MYLK: variants seen among roughly 807,000 people sequenced by gnomAD.
The protein encoded by MYLK is myosin light chain kinase.
MYLK carries 106 observed loss-of-function variants against 203.4 expected under a neutral mutation model. That is an observed-to-expected ratio of 0.52 (90% CI 0.45 to 0.61). The LOEUF is 0.61. Ranked by LOEUF, MYLK falls within the 20% of genes least tolerant of loss-of-function variation. The pLI is 0.00. For missense variants in MYLK, 2,072 were observed against 2,442.3 expected, an observed-to-expected ratio of 0.85 and a Z score of 3.20; for synonymous variants, 867 against 959.5, an observed-to-expected ratio of 0.90 and a Z score of 1.78.
At chr3:123,786,175 C>T (rs534995787) in intron 4 of MYLK, among the ~76,000 whole-genome samples, 9 of 151,750 alleles carry the variant, frequency 5.9e-5, no homozygotes, top group Admixed American at 1.3e-4. Context: ...TGGTGGCACG[C>T]GCCTGTAGTC....
chr3:123,694,461 C>T (rs933570671), intron 18 of MYLK, among the ~76,000 whole-genome samples: 1 of 151,932 alleles, frequency 6.6e-6, no homozygotes, highest in African/African-American at 2.4e-5. Flanking sequence ...TCTGGGTGGG[C>T]GGGAGGATGC....
intron 4 of MYLK, among the ~76,000 whole-genome samples, chr3:123,787,472 C>T (rs542920206): frequency 8.7e-4 from 132 of 152,266 alleles, no homozygotes; most frequent in South Asian, 1.2e-3. Flanking sequence ...CACTTCACCA[C>T]CGTGGTTCTC....
At chr3:123,770,920 G>A (rs187176178) in intron 4 of MYLK, among the ~76,000 whole-genome samples, 4 of 152,266 alleles carry the variant, frequency 2.6e-5, no homozygotes, top group East Asian at 1.9e-4. Flanking sequence ...GTAGATCCCC[G>A]TCCCCAGAAT....
At chr3:123,820,649 T>C (rs891020073) in intron 3 of MYLK, among the ~76,000 whole-genome samples, 4 of 148,144 alleles carry the variant, frequency 2.7e-5, no homozygotes, top group Non-Finnish European at 6.0e-5. Context: ...CTTCCCTCCT[T>C]CCTTCCTTCC....
intron 23 of MYLK, among the ~76,000 whole-genome samples, chr3:123,661,630 A>C (rs2059564966): frequency 6.6e-6 from 1 of 152,242 alleles, no homozygotes; most frequent in Admixed American, 6.5e-5. Context: ...AGAGGAAGGA[A>C]GACAAAGGGA....
intron 2 of MYLK, among the ~76,000 whole-genome samples, chr3:123,874,714 G>A (rs4118370): frequency 0.092 from 13,927 of 152,102 alleles, 1,597 homozygotes; most frequent in East Asian, 0.46. Context: ...TACAGGCAGC[G>A]AGAAAATATT....
At chr3:123,725,395 C>A (rs1456781580) in intron 12 of MYLK, among the ~76,000 whole-genome samples, 1 of 151,998 alleles carries the variant, frequency 6.6e-6, no homozygotes, top group African/African-American at 2.4e-5. Flanking sequence ...TTTTAAAGGA[C>A]CTTACTTGAC....
chr3:123,761,190 A>C (rs1005759849), intron 4 of MYLK, among the ~76,000 whole-genome samples: 2 of 152,176 alleles, frequency 1.3e-5, no homozygotes, highest in African/African-American at 4.8e-5. Context: ...GCTGCCCAAG[A>C]CTCAGACACT....
At chr3:123,683,671 G>A (rs898721771) in intron 19 of MYLK, among the ~76,000 whole-genome samples, 10 of 152,272 alleles carry the variant, frequency 6.6e-5, no homozygotes, top group African/African-American at 1.9e-4. Flanking sequence ...GGCCCTGTGC[G>A]GGTGTTGCAG....
intron 2 of MYLK, among the ~76,000 whole-genome samples, chr3:123,871,362 T>A (rs2032770739): frequency 6.6e-6 from 1 of 152,044 alleles, no homozygotes; most frequent in African/African-American, 2.4e-5. Context: ...CAAAAAACAT[T>A]GAGAAAACTC....
chr3:123,836,885 A>T (rs964452651), intron 2 of MYLK, among the ~76,000 whole-genome samples: 4 of 152,226 alleles, frequency 2.6e-5, no homozygotes, highest in African/African-American at 9.6e-5. Context: ...AAGACTAATA[A>T]CTATAAATTA....
chr3:123,858,147 T>C (rs530062920), intron 2 of MYLK, among the ~76,000 whole-genome samples: 1 of 152,208 alleles, frequency 6.6e-6, no homozygotes, highest in Admixed American at 6.5e-5. Flanking sequence ...GTCATGCTTA[T>C]GTTTATCACT....
At chr3:123,809,101 C>T (rs1482722198) in intron 3 of MYLK, among the ~76,000 whole-genome samples, 1 of 152,170 alleles carries the variant, frequency 6.6e-6, no homozygotes, top group Non-Finnish European at 1.5e-5. Flanking sequence ...CCTGGCTCAC[C>T]TTCTCAGTCT....
At position 123,765,549 on chromosome 3, in the gene MYLK, GA is replaced by G. The variant is rs925298238; in HGVS notation, c.166-13012del. Among the ~76,000 whole-genome samples, 6 of 150,022 alleles carry G rather than the reference GA, an allele frequency of 4.0e-5. No homozygotes were observed. In the South Asian group the frequency reaches 1.1e-3, roughly 26 times the overall value. ...CCACCTCAAAAAAAAAAAAAGAAAG[GA>G]AAAAAAACAAAAGAAAAAAGGAATT... On this transcript the variant is annotated intron_variant, in intron 4 of 33. Coordinates refer to ENST00000360304, the MANE Select transcript of MYLK (RefSeq NM_053025.4).
intron 3 of MYLK, among the ~76,000 whole-genome samples, chr3:123,811,353 T>C (rs1416991927): frequency 6.6e-6 from 1 of 152,134 alleles, no homozygotes; most frequent in Non-Finnish European, 1.5e-5. Flanking sequence ...GCTGCACTCA[T>C]ACCTGGCTCA....
intron 31 of MYLK, chr3:123,621,540 AG>A (rs1240366981): frequency 6.6e-6 from 1 of 152,228 alleles, no homozygotes; most frequent in African/African-American, 2.4e-5. Flanking sequence ...CTAGTTGGAA[AG>A]CCAGTAAGCT....
chr3:123,653,689 C>T (rs1169322281), intron 24 of MYLK, among the ~76,000 whole-genome samples: 3 of 152,150 alleles, frequency 2.0e-5, no homozygotes, highest in Non-Finnish European at 4.4e-5. Flanking sequence ...CTGGCAGAGT[C>T]TCCACACAGC....
rs753350784 is a variant in MYLK, at chr3:123,737,484, C to A, written c.648G>T (p.Gln216His). 1 of 1,614,206 alleles carries A rather than the reference C, an allele frequency of 6.2e-7. No individual in the cohort carries two copies. Among genetic ancestry groups the A allele is most frequent in the East Asian group, 2.2e-5 (1 of 44,888 alleles). ...RVSVSEKNGM[Q>H]VLEIHGVNQD... ...GGTTGACTCCATGGATTTCCAGAAC[C>A]TGCATGCCGTTCTTCTCAGACACAG... The change falls in exon 8 of 34, where the codon CAG becomes CAT. Residue 216 changes from glutamine (Q) to histidine (H), a missense_variant. Around this residue, in one of 3 missense-constraint regions of MYLK, gnomAD observed 683 missense variants for 643.8 expected, o/e 1.06. Transcript: ENST00000360304.
At chr3:123,739,207 T>C in intron 6 of MYLK, 145 bp from the exon 7 acceptor site, 2 of 945,686 alleles carry the variant, frequency 2.1e-6, no homozygotes, top group South Asian at 1.4e-5. Context: ...AACTTTCTCA[T>C]GCTCTCTCTA....
Sources: gnomAD v4.1 joint callset for allele counts (sites outside exome capture counted in the v4.1 genomes callset) on GRCh38, gnomAD v4.1.1 for gene constraint, gnomAD v4.1.1 regional missense constraint, MANE v1.5 for transcripts, NCBI Gene and HGNC (gene_info 2026-07-23, HGNC 2026-07-21) for gene names.